The following FSTL5 variants were observed in gnomAD, a reference collection of about 807,000 sequenced individuals.
FSTL5 encodes the protein follistatin like 5, also known as follistatin-related protein 5.
In FSTL5, 62 loss-of-function variants were observed where a neutral mutation model predicts 89.1. The ratio of observed to expected loss-of-function variants is 0.70; its 90% CI spans 0.57 to 0.86. The LOEUF is 0.86. FSTL5 is among the 40% of genes least tolerant of loss of function. The probability of loss-of-function intolerance (pLI) is 0.00; values close to 1 mark genes in which losing one functional copy is unlikely to be tolerated. For synonymous variants in FSTL5, 383 were observed against 346.2 expected (o/e 1.11, Z -1.18); for missense variants, 1,057 against 1,001.6 (o/e 1.06, Z -0.75).
intron 4 of FSTL5, among the ~76,000 whole-genome samples, chr4:161,871,996 ATT>A (rs5863493): frequency 1.4e-3 from 207 of 146,692 alleles, no homozygotes; most frequent in East Asian, 2.8e-3. Flanking sequence ...AATTTTTTTA[ATT>A]TTTTTTTTTT....
chr4:162,141,726 A>C (rs1732754455), intron 1 of FSTL5, among the ~76,000 whole-genome samples: 1 of 152,112 alleles, frequency 6.6e-6, no homozygotes, highest in East Asian at 1.9e-4. Flanking sequence ...TGTGATACTT[A>C]TGTTTGAGGG....
At chr4:161,561,084 T>C (rs923132211) in intron 8 of FSTL5, among the ~76,000 whole-genome samples, 4 of 151,886 alleles carry the variant, frequency 2.6e-5, no homozygotes, top group Non-Finnish European at 4.4e-5. Context: ...ACGACGTCCC[T>C]AGGGAATAGG....
intron 7 of FSTL5, among the ~76,000 whole-genome samples, chr4:161,645,579 C>T (rs1736124996): frequency 6.6e-6 from 1 of 152,130 alleles, no homozygotes; most frequent in African/African-American, 2.4e-5. Flanking sequence ...CATTTTAAAA[C>T]AGTGCACTGT....
chr4:161,819,262 A>C (rs1449236734), intron 4 of FSTL5, among the ~76,000 whole-genome samples: 3 of 152,102 alleles, frequency 2.0e-5, no homozygotes, highest in East Asian at 3.8e-4. Context: ...TTAATTTTTC[A>C]GTATTCATGG....
At chr4:161,980,999 A>T (rs1406857249) in intron 3 of FSTL5, among the ~76,000 whole-genome samples, 1 of 152,000 alleles carries the variant, frequency 6.6e-6, no homozygotes, top group Admixed American at 6.6e-5. Flanking sequence ...ACCTCAGATG[A>T]TCTGCCTGCC....
Position 161,385,152 on chromosome 4 carries a change from G to T in FSTL5, c.*595C>A, listed in dbSNP as rs531427074. 11 of 152,958 alleles carry T rather than the reference G, an allele frequency of 7.2e-5. No individual in the cohort carries two copies. Among genetic ancestry groups the T allele is most frequent in the African/African-American group, 2.6e-4 (11 of 41,540 alleles). 9.5% of individuals were successfully genotyped at this position (152,958 alleles called of 1,614,324 possible). On this transcript the variant is annotated 3_prime_UTR_variant, in exon 16 of 16. Transcript: ENST00000306100. ...GCCTTCAATTGGTAGTTCATTGAGG[G>T]TTAAACAAAAGACTGAAGACAGGAT...
chr4:161,818,104 G>A (rs1730382739), intron 4 of FSTL5, among the ~76,000 whole-genome samples: 1 of 152,152 alleles, frequency 6.6e-6, no homozygotes, highest in South Asian at 2.1e-4. Context: ...ATGTGGAGAG[G>A]AGCACATCAG....
intron 11 of FSTL5, among the ~76,000 whole-genome samples, chr4:161,504,472 G>GTTT (rs1228712264): frequency 7.7e-5 from 11 of 141,972 alleles, no homozygotes; most frequent in East Asian, 4.6e-4. Flanking sequence ...ATTGTTTTTC[G>GTTT]TTTTTGTTTT....
intron 6 of FSTL5, among the ~76,000 whole-genome samples, chr4:161,685,500 TTTA>T (rs1737681002): frequency 6.6e-6 from 1 of 152,164 alleles, no homozygotes; most frequent in South Asian, 2.1e-4. Context: ...TTTTATTTAT[TTTA>T]TTTTTTACTT....
chr4:161,587,395 C>T, intron 8 of FSTL5, 60 bp downstream of exon 8: 1 of 1,551,938 alleles, frequency 6.4e-7, no homozygotes, highest in Non-Finnish European at 8.9e-7. Flanking sequence ...TTGAAGGCTT[C>T]ACTTCCTAGT....
At chr4:161,619,140 T>G (rs1457300847) in intron 7 of FSTL5, among the ~76,000 whole-genome samples, 2 of 152,148 alleles carry the variant, frequency 1.3e-5, no homozygotes, top group African/African-American at 4.8e-5. Flanking sequence ...TAGCCATATG[T>G]AGAAAGCTGA....
chr4:162,116,741 G>C (rs1731657784), intron 1 of FSTL5, among the ~76,000 whole-genome samples: 1 of 152,202 alleles, frequency 6.6e-6, no homozygotes, highest in East Asian at 1.9e-4. Flanking sequence ...CAAGGGAAAA[G>C]AGCCCGCGAG....
chr4:161,851,712 T>G (rs1327547795), intron 4 of FSTL5, among the ~76,000 whole-genome samples: 2 of 150,568 alleles, frequency 1.3e-5, no homozygotes, highest in African/African-American at 4.9e-5. Flanking sequence ...TGAAAATAAA[T>G]GTTAGAGTCA....
chr4:161,594,701 T>G (rs897108787), intron 7 of FSTL5, among the ~76,000 whole-genome samples: 3 of 152,020 alleles, frequency 2.0e-5, no homozygotes, highest in African/African-American at 7.2e-5. Context: ...ATAAACTCCT[T>G]TTCAGGCAGC....
At chr4:161,834,161 TA>T (rs1317626640) in intron 4 of FSTL5, among the ~76,000 whole-genome samples, 4 of 152,108 alleles carry the variant, frequency 2.6e-5, no homozygotes, top group African/African-American at 9.7e-5. Flanking sequence ...TGCAAATCAA[TA>T]AATATAATCC....
At chr4:162,060,180 G>C (rs9308040) in intron 2 of FSTL5, among the ~76,000 whole-genome samples, 134,546 of 152,104 alleles carry the variant, frequency 0.88, 59,512 homozygotes, top group East Asian at 0.92. Flanking sequence ...TTTCTCTTAT[G>C]TCTATACTTC....
rs1329677222 is a variant in FSTL5 at position 161,386,263 on chromosome 4, C to G, written c.2028G>C (p.Gln676His). 6.2e-7 allele frequency: 1 copy of G among 1,613,850 alleles called. No individual in the cohort carries two copies. The highest frequency in any genetic ancestry group is 1.3e-5 in the African/African-American group (1 of 74,892). Reference protein sequence around the residue: ...KPDSTGAVSPQVMVDGVTDSV... With the variant: ...KPDSTGAVSPHVMVDGVTDSV... The stretch of plus-strand genomic sequence containing the variant: ...AGTCAGTTACACCGTCCACCATGAC[C>G]TGTGGGGAAACTGCTCCGGTGCTGT... The change falls in exon 16 of 16, where the codon CAG becomes CAC. Residue 676 changes from glutamine (Q) to histidine (H), a missense_variant. Gln to His is a conservative substitution (Grantham distance 24). Coordinates refer to ENST00000306100, the MANE Select transcript of FSTL5 (RefSeq NM_020116.5).
At chr4:161,925,448 C>A (rs1734095579) in intron 3 of FSTL5, among the ~76,000 whole-genome samples, 1 of 151,752 alleles carries the variant, frequency 6.6e-6, no homozygotes, top group Non-Finnish European at 1.5e-5. Context: ...AAATCAGAAT[C>A]CTCTATTTGT....
At chr4:162,030,022 T>G (rs958853498) in intron 3 of FSTL5, among the ~76,000 whole-genome samples, 2 of 151,916 alleles carry the variant, frequency 1.3e-5, no homozygotes, top group African/African-American at 4.8e-5. Context: ...TATTCTCCTG[T>G]GTTAGCCTCC....
Sources: allele counts gnomAD v4.1 joint callset (sites outside exome capture counted in the v4.1 genomes callset), GRCh38; gene constraint gnomAD v4.1.1; transcripts MANE v1.5; gene names NCBI Gene and HGNC (gene_info 2026-07-23, HGNC 2026-07-21).